DPH6: variants seen among roughly 807,000 people sequenced by gnomAD.
DPH6 encodes the protein diphthine--ammonia ligase.
DPH6 carries 33 observed loss-of-function variants against 38.2 expected under a neutral mutation model. That is an observed-to-expected ratio of 0.86 (90% CI 0.65 to 1.15). DPH6 has a LOEUF of 1.15. Ranked by LOEUF, DPH6 falls within the 50% of genes most tolerant of loss-of-function variation. The pLI is 0.00. For synonymous variants in DPH6, 108 were observed against 103.0 expected (o/e 1.05, Z -0.30); for missense variants, 325 against 320.0 (o/e 1.02, Z -0.12).
intron 3 of DPH6, among the ~76,000 whole-genome samples, chr15:35,254,040 C>T (rs2051691804): frequency 6.6e-6 from 1 of 152,180 alleles, no homozygotes; most frequent in African/African-American, 2.4e-5. Context: ...CCACTGCAAA[C>T]TCCCAGTCTA....
At chr15:35,422,645 C>G (rs529969628) in intron 5 of DPH6, among the ~76,000 whole-genome samples, 50 of 151,878 alleles carry the variant, frequency 3.3e-4, no homozygotes, top group Non-Finnish European at 6.6e-4. Context: ...TATAGACACA[C>G]TGTTGTACAT....
At chr15:35,344,666 C>T (rs535700391) in intron 3 of DPH6, among the ~76,000 whole-genome samples, 50 of 151,724 alleles carry the variant, frequency 3.3e-4, no homozygotes, top group East Asian at 3.9e-4. Flanking sequence ...TTGTGGACCA[C>T]GGTTTAAATT....
intron 3 of DPH6, among the ~76,000 whole-genome samples, chr15:35,273,022 G>A (rs542621259): frequency 2.6e-5 from 4 of 152,018 alleles, no homozygotes; most frequent in Non-Finnish European, 4.4e-5. Flanking sequence ...TAAGCTTCCT[G>A]AGGACTATCA....
At position 35,308,512 on chromosome 15, in the gene DPH6, T is replaced by A. The variant is rs185976737; in HGVS notation, n.200+65009A>T. Among the ~76,000 whole-genome samples, 27 of 152,238 alleles carry A rather than the reference T, an allele frequency of 1.8e-4. 1 individual carries two copies. The highest frequency in any genetic ancestry group is 5.5e-4 in the African/African-American group (23 of 41,542). On this transcript the variant is annotated intron_variant and non_coding_transcript_variant, in intron 3 of 3. Coordinates refer to the DPH6 transcript ENST00000560386. ...GACCTGAGGAAGGCAGGGGAATTTTTACAGTAACAGAAATCTCTTAATTTA... is the reference window on the plus strand; with the variant it reads ...GACCTGAGGAAGGCAGGGGAATTTTAACAGTAACAGAAATCTCTTAATTTA...
At chr15:35,162,964 C>T in the DPH6 span, among the ~76,000 whole-genome samples, 2 of 151,850 alleles carry the variant, frequency 1.3e-5, no homozygotes, top group African/African-American at 2.4e-5. Context: ...CAGAAGATTT[C>T]AAGGTGGCAA....
chr15:35,280,944 A>T (rs1295601686), intron 3 of DPH6, among the ~76,000 whole-genome samples: 2 of 152,088 alleles, frequency 1.3e-5, no homozygotes, highest in African/African-American at 4.8e-5. Flanking sequence ...TGATATATAT[A>T]TTTTTTGTGA....
chr15:35,520,025 ACC>A (rs1370101908), intron 3 of DPH6: 1 of 152,300 alleles, frequency 6.6e-6, no homozygotes, highest in Non-Finnish European at 1.5e-5. Flanking sequence ...TGGAAACAGC[ACC>A]CCACTGCAGA....
chr15:35,381,947 A>C (rs1375616422), intron 6 of DPH6, 31 bp from the exon 7 acceptor site: 3 of 1,545,984 alleles, frequency 1.9e-6, no homozygotes, highest in African/African-American at 2.7e-5. Flanking sequence ...AAAACAAGAA[A>C]GAAGTTTAAA....
intron 3 of DPH6, among the ~76,000 whole-genome samples, chr15:35,304,425 G>C (rs1008688948): frequency 6.6e-6 from 1 of 152,090 alleles, no homozygotes; most frequent in Admixed American, 6.5e-5. Flanking sequence ...TTTAAGAACA[G>C]ACAGGCCCAG....
At chr15:35,378,227 T>C (rs2052807817) in intron 7 of DPH6, among the ~76,000 whole-genome samples, 1 of 152,082 alleles carries the variant, frequency 6.6e-6, no homozygotes, top group Non-Finnish European at 1.5e-5. Flanking sequence ...AATGAAAAAA[T>C]GCTCATCATC....
At chr15:35,213,981 G>A (rs1435794164), downstream of DPH6, among the ~76,000 whole-genome samples, 5 of 152,112 alleles carry the variant, frequency 3.3e-5, no homozygotes, top group Admixed American at 6.5e-5. Flanking sequence ...ACGTGGTGGC[G>A]GGCGCCTGTA....
intron 3 of DPH6, chr15:35,489,838 G>T (rs2054453438): frequency 1.0e-6 from 1 of 977,054 alleles, no homozygotes; most frequent in Non-Finnish European, 1.2e-6. Flanking sequence ...CTTTTAAAAG[G>T]AATATTAATA....
chr15:35,207,036 A>AG, the DPH6 span, among the ~76,000 whole-genome samples: 5 of 117,542 alleles, frequency 4.3e-5, no homozygotes, highest in Middle Eastern at 5.1e-3. Flanking sequence ...AATTTAGTAA[A>AG]GCTTTTTTTT....
intron 6 of DPH6, among the ~76,000 whole-genome samples, chr15:35,385,252 G>C (rs1216814838): frequency 1.3e-5 from 2 of 152,114 alleles, no homozygotes; most frequent in African/African-American, 4.8e-5. Flanking sequence ...ATTTGACCCA[G>C]CCATCCCATT....
intron 3 of DPH6, among the ~76,000 whole-genome samples, chr15:35,534,400 A>G (rs940417186): frequency 1.3e-5 from 2 of 151,438 alleles, no homozygotes; most frequent in African/African-American, 4.8e-5. Flanking sequence ...AAAAAAGAAA[A>G]GAAAACACCA....
At chr15:35,471,498 C>T (rs1017909030) in intron 3 of DPH6, among the ~76,000 whole-genome samples, 1 of 152,192 alleles carries the variant, frequency 6.6e-6, no homozygotes, top group Non-Finnish European at 1.5e-5. Flanking sequence ...AAATCAATCC[C>T]TCCACACCTC....
At chr15:35,245,400 G>A (rs930646432) in intron 3 of DPH6, among the ~76,000 whole-genome samples, 2 of 151,914 alleles carry the variant, frequency 1.3e-5, no homozygotes, top group Non-Finnish European at 1.5e-5. Context: ...CACCATGCCC[G>A]GATAATTTTT....
At chr15:35,172,823 T>C in the DPH6 span, among the ~76,000 whole-genome samples, 121,223 of 151,888 alleles carry the variant, frequency 0.8, 48,582 homozygotes, top group Middle Eastern at 0.9. Context: ...TCCCAAGTAG[T>C]TGGGTCTACA....
chr15:35,232,900 C>A (rs1484046059), intron 3 of DPH6, among the ~76,000 whole-genome samples: 2 of 152,252 alleles, frequency 1.3e-5, no homozygotes, highest in East Asian at 3.9e-4. Flanking sequence ...CAATAATGTT[C>A]AACTGCAGAA....
Sources: allele counts gnomAD v4.1 joint callset (sites outside exome capture counted in the v4.1 genomes callset), GRCh38; gene constraint gnomAD v4.1.1; transcripts MANE v1.5; gene names NCBI Gene and HGNC (gene_info 2026-07-23, HGNC 2026-07-21).